FUT8: variants seen among roughly 807,000 people sequenced by gnomAD.
FUT8 encodes alpha-(1,6)-fucosyltransferase.
Under a neutral mutation model 71.3 loss-of-function variants are expected in FUT8, and 29 were observed. The observed-to-expected ratio is 0.41, with a 90% confidence interval of 0.30 to 0.55. FUT8 has a LOEUF of 0.55. FUT8 is among the 20% of genes least tolerant of loss of function. FUT8 has a pLI of 0.34. For missense variants in FUT8, 544 were observed against 702.1 expected (o/e 0.77, Z 2.55); for synonymous variants, 254 against 239.3 (o/e 1.06, Z -0.57).
At chr14:65,494,660 AAGTATACATGTGCC>A (rs1304382244) in intron 2 of FUT8, among the ~76,000 whole-genome samples, 1 of 152,068 alleles carries the variant, frequency 6.6e-6, no homozygotes, top group Non-Finnish European at 1.5e-5. Context: ...TTCGTTGCAT[AAGTATACATGTGCC>A]ATGGTGGTTT....
intron 2 of FUT8, among the ~76,000 whole-genome samples, chr14:65,535,267 T>A (rs752167192): frequency 2.2e-4 from 33 of 151,722 alleles, no homozygotes; most frequent in Non-Finnish European, 4.3e-4. Context: ...GCCCAGCCAA[T>A]TTTTTATATT....
chr14:65,404,422 T>C, the FUT8 span, among the ~76,000 whole-genome samples: 1 of 151,998 alleles, frequency 6.6e-6, no homozygotes, highest in Non-Finnish European at 1.5e-5. Flanking sequence ...TTCACCCACC[T>C]CGGCCTCCCA....
intron 3 of FUT8, among the ~76,000 whole-genome samples, chr14:65,599,138 A>T (rs1358773572): frequency 6.6e-6 from 1 of 152,200 alleles, no homozygotes; most frequent in African/African-American, 2.4e-5. Context: ...TTTCTGCCTG[A>T]GCCTTGTTTC....
chr14:65,692,372 TCCC>T (rs1893675382), intron 7 of FUT8, among the ~76,000 whole-genome samples: 5 of 115,806 alleles, frequency 4.3e-5, no homozygotes, highest in African/African-American at 3.5e-5. Flanking sequence ...CCCCCCCACC[TCCC>T]TCCCGGACGG....
intron 2 of FUT8, among the ~76,000 whole-genome samples, chr14:65,561,061 A>C (rs892784422): frequency 8.5e-5 from 13 of 152,194 alleles, no homozygotes; most frequent in Admixed American, 7.2e-4. Flanking sequence ...TTAATGTATA[A>C]TTATGCAAGA....
At chr14:65,632,217 G>A (rs533740513) in intron 6 of FUT8, among the ~76,000 whole-genome samples, 61 of 152,222 alleles carry the variant, frequency 4.0e-4, no homozygotes, top group African/African-American at 1.3e-3. Flanking sequence ...TTCATGTAAC[G>A]ACTCCTTTTA....
At chr14:65,459,400 A>G (rs1427572516) in intron 2 of FUT8, among the ~76,000 whole-genome samples, 1 of 152,210 alleles carries the variant, frequency 6.6e-6, no homozygotes, top group African/African-American at 2.4e-5. Context: ...TTTTCTAGCT[A>G]TATATTCAAT....
chr14:65,409,676 T>C (rs756862668), upstream of FUT8, among the ~76,000 whole-genome samples: 1 of 152,224 alleles, frequency 6.6e-6, no homozygotes, highest in Non-Finnish European at 1.5e-5. This position sits in a 1 kb window ranked among gnomAD's most constrained non-coding sequence, Gnocchi z 5.4. Flanking sequence ...ATTTTGATCT[T>C]TTCCATAGTC....
intron 2 of FUT8, among the ~76,000 whole-genome samples, chr14:65,460,418 G>A (rs1413091346): frequency 6.6e-6 from 1 of 152,164 alleles, no homozygotes; most frequent in African/African-American, 2.4e-5. Flanking sequence ...TTAAAGATTG[G>A]AGTTTCATTA....
chr14:65,737,731 C>T (rs138295576), intron 10 of FUT8, among the ~76,000 whole-genome samples: 172 of 152,228 alleles, frequency 1.1e-3, no homozygotes, highest in African/African-American at 3.8e-3. Context: ...TAATGTTACT[C>T]TGTAGTTTCA....
chr14:65,587,130 A>C (rs980617533), intron 3 of FUT8, among the ~76,000 whole-genome samples: 11 of 151,960 alleles, frequency 7.2e-5, no homozygotes, highest in Non-Finnish European at 1.3e-4. Flanking sequence ...CGGAGCTTGC[A>C]ATGAGCTGAA....
chr14:65,722,649 C>G (rs78145367), intron 8 of FUT8, among the ~76,000 whole-genome samples: 1,838 of 152,288 alleles, frequency 0.012, 14 homozygotes, highest in South Asian at 0.024. Context: ...GTTCTGCCCA[C>G]TTCATCTCTA....
chr14:65,494,929 C>G (rs1330098864), intron 2 of FUT8, among the ~76,000 whole-genome samples: 1 of 151,958 alleles, frequency 6.6e-6, no homozygotes, highest in African/African-American at 2.4e-5. Flanking sequence ...AGAAGGACTT[C>G]CAAGAGACTC....
At chr14:65,570,855 G>A (rs1886430536) in intron 3 of FUT8, among the ~76,000 whole-genome samples, 1 of 152,090 alleles carries the variant, frequency 6.6e-6, no homozygotes, top group Non-Finnish European at 1.5e-5. Context: ...ACCTGACTTA[G>A]GAGTATGCGC....
intron 3 of FUT8, among the ~76,000 whole-genome samples, chr14:65,568,996 T>C (rs1044033679): frequency 6.6e-6 from 1 of 151,860 alleles, no homozygotes; most frequent in Non-Finnish European, 1.5e-5. Context: ...TTGTTAGATA[T>C]TTCTATTGAG....
At chr14:65,672,863 A>G (rs1892535735) in intron 7 of FUT8, among the ~76,000 whole-genome samples, 2 of 152,322 alleles carry the variant, frequency 1.3e-5, no homozygotes, top group African/African-American at 4.8e-5. Flanking sequence ...AACAATATTG[A>G]ATAGATGATT....
intron 7 of FUT8, among the ~76,000 whole-genome samples, chr14:65,677,187 CAT>C (rs1331318911): frequency 7.8e-6 from 1 of 128,720 alleles, no homozygotes; most frequent in Non-Finnish European, 1.6e-5. Flanking sequence ...TGTGTGTGCG[CAT>C]GTGTGTTTTT....
At chr14:65,653,554 A>G (rs1243255141) in intron 6 of FUT8, among the ~76,000 whole-genome samples, 2 of 152,224 alleles carry the variant, frequency 1.3e-5, no homozygotes, top group African/African-American at 4.8e-5. Context: ...ATCCATTCCC[A>G]GATACTTTTT....
At chr14:65,598,464 A>G (rs971406558) in intron 3 of FUT8, among the ~76,000 whole-genome samples, 1 of 151,648 alleles carries the variant, frequency 6.6e-6, no homozygotes, top group Non-Finnish European at 1.5e-5. Flanking sequence ...CTTGTGATCC[A>G]CCCGCCTCGG....
Sources: gnomAD v4.1 joint callset for allele counts (sites outside exome capture counted in the v4.1 genomes callset) on GRCh38, gnomAD v4.1.1 for gene constraint, Gnocchi (gnomAD v3.1) non-coding constraint, MANE v1.5 for transcripts, NCBI Gene and HGNC (gene_info 2026-07-23, HGNC 2026-07-21) for gene names.